Variants in FAM227A observed in about 807,000 individuals in gnomAD.
FAM227A encodes the protein family with sequence similarity 227 member A, also known as protein FAM227A.
A neutral mutation model predicts 74.7 loss-of-function variants in FAM227A; 80 were observed. The ratio of observed to expected loss-of-function variants is 1.07; its 90% CI spans 0.89 to 1.29. The LOEUF is 1.29. Ranked by LOEUF, FAM227A falls within the 50% of genes most tolerant of loss-of-function variation. The pLI, the probability that FAM227A is intolerant of heterozygous loss-of-function variation, is 0.00. For synonymous variants in FAM227A, 237 were observed against 241.8 expected (o/e 0.98, Z 0.19); for missense variants, 654 against 683.4 (o/e 0.96, Z 0.48).
At chr22:38,595,534 G>A (rs1405670202) in intron 15 of FAM227A, among the ~76,000 whole-genome samples, 1 of 152,210 alleles carries the variant, frequency 6.6e-6, no homozygotes, top group African/African-American at 2.4e-5. Context: ...TAGTTAATCA[G>A]GCAAAGACCA....
Position 38,584,214 on chromosome 22 carries a change from A to T in FAM227A, c.*1911T>A, listed in dbSNP as rs2090759883. The T allele has an allele frequency of 6.6e-6, 1 of 152,164 alleles. No homozygotes were observed. Among genetic ancestry groups the T allele is most frequent in the Non-Finnish European group, 1.5e-5 (1 of 68,072 alleles). 9.4% of individuals were successfully genotyped at this position (152,164 alleles called of 1,614,324 possible). A position where few individuals can be genotyped will look rare whatever the true frequency, so the allele number is the denominator to read the frequency against. Reference sequence around the variant, plus strand: ...GATTGTGAGCCCCATAAGGTCAGGGACTGTGTCTTTATTTATCTCTGTATT... The same window carrying T: ...GATTGTGAGCCCCATAAGGTCAGGGTCTGTGTCTTTATTTATCTCTGTATT... On this transcript the variant is annotated 3_prime_UTR_variant, in exon 17 of 17. Coordinates refer to ENST00000535113, the MANE Select transcript of FAM227A (RefSeq NM_001013647.2).
intron 13 of FAM227A, among the ~76,000 whole-genome samples, chr22:38,600,519 G>C (rs2146212409): frequency 6.6e-6 from 1 of 151,472 alleles, no homozygotes; most frequent in South Asian, 2.1e-4. Context: ...TGTATTTTTA[G>C]TAGAGACAGG....
intron 14 of FAM227A, among the ~76,000 whole-genome samples, chr22:38,599,311 A>G (rs76923282): frequency 6.6e-6 from 1 of 152,266 alleles, no homozygotes; most frequent in African/African-American, 2.4e-5. Context: ...TCTTTAGGAT[A>G]AATGGCAACA....
chr22:38,641,917 C>G (rs182488448), intron 3 of FAM227A, among the ~76,000 whole-genome samples: 28 of 151,982 alleles, frequency 1.8e-4, no homozygotes, highest in Admixed American at 1.6e-3. Context: ...CAGCTACTTG[C>G]TTAACATTTA....
chr22:38,653,883 G>T (rs557132371), intron 1 of FAM227A: 1 of 152,204 alleles, frequency 6.6e-6, no homozygotes, highest in Non-Finnish European at 1.5e-5. Flanking sequence ...CCCTCAAGGG[G>T]CTTACATCTA....
chr22:38,613,266 CATAT>C (rs372543349), intron 11 of FAM227A, among the ~76,000 whole-genome samples: 3 of 69,368 alleles, frequency 4.3e-5, no homozygotes, highest in African/African-American at 6.5e-5. Flanking sequence ...TATATTATAA[CATAT>C]ATTATATATC....
chr22:38,635,860 C>T (rs1424919468), intron 6 of FAM227A, among the ~76,000 whole-genome samples: 2 of 151,826 alleles, frequency 1.3e-5, no homozygotes, highest in African/African-American at 4.8e-5. Flanking sequence ...TAAAAACTAG[C>T]CAGTGTGGTG....
rs1231198960 is a variant in FAM227A, at chr22:38,626,277, G to A, written c.753C>T (p.Ala251=). Residue 251 remains alanine, a synonymous_variant, in exon 9 of 17, where the codon GCC becomes GCT. Coordinates refer to ENST00000535113, the MANE Select transcript of FAM227A (RefSeq NM_001013647.2). ...AGCAGCAACAGAAGCTGGTGTACAC[G>A]GCTTTGCTGAGAAGTGATGGCAGCC... ...LKRLPSLLSK[A]VYTSFCCCFP... The A allele has an allele frequency of 3.9e-6, 6 of 1,551,428 alleles. No individual in the cohort carries two copies. Among genetic ancestry groups the A allele is most frequent in the East Asian group, 2.4e-5 (1 of 40,916 alleles).
At chr22:38,606,192 A>C (rs981443812) in intron 12 of FAM227A, among the ~76,000 whole-genome samples, 3 of 152,012 alleles carry the variant, frequency 2.0e-5, no homozygotes, top group Admixed American at 6.6e-5. Flanking sequence ...TTTTTGAGAC[A>C]GGGTCTCACT....
intron 2 of FAM227A, among the ~76,000 whole-genome samples, chr22:38,648,502 G>C (rs2092276090): frequency 6.6e-6 from 1 of 151,378 alleles, no homozygotes; most frequent in African/African-American, 2.4e-5. Flanking sequence ...AGCTACCTGG[G>C]AGGCTGAGGC....
chr22:38,613,116 T>TATATAATTATATATA lies in FAM227A; in HGVS notation c.1039-5641_1039-5640insTATATATAATTATAT, dbSNP rs1555959758. ...TATATTATATATAATTATATATATA[T>TATATAATTATATATA]TATATATAATTATATATATAATATA... On this transcript the variant is annotated intron_variant, in intron 11 of 16. Coordinates refer to ENST00000535113, the MANE Select transcript of FAM227A (RefSeq NM_001013647.2). Among the ~76,000 whole-genome samples the TATATAATTATATATA allele has an allele frequency of 2.1e-3, 195 of 91,096 alleles. 1 individual carries two copies. Among genetic ancestry groups the TATATAATTATATATA allele is most frequent in the African/African-American group, 8.9e-3 (186 of 20,996 alleles). The allele number at this position is 91,096 out of a possible 152,430, so 59.8% of individuals were successfully genotyped here. A position where few individuals can be genotyped will look rare whatever the true frequency, so the allele number is the denominator to read the frequency against.
Position 38,582,450 on chromosome 22 carries a change from C to CA in FAM227A, c.*3674_*3675insT. The CA allele has an allele frequency of 6.5e-7, 1 of 1,540,426 alleles. No individual in the cohort carries two copies. The highest frequency in any genetic ancestry group is 2.4e-5 in the East Asian group (1 of 40,874). On this transcript the variant is annotated 3_prime_UTR_variant, in exon 17 of 17. Coordinates refer to ENST00000535113, the MANE Select transcript of FAM227A (RefSeq NM_001013647.2). Reference sequence around the variant, plus strand: ...TCATACAATTACTCATTTGCTTTATCCCACATTACAGCAAATGCTTTTTAA... The same window carrying CA: ...TCATACAATTACTCATTTGCTTTATCACCACATTACAGCAAATGCTTTTTAA...
intron 8 of FAM227A, 45 bp from the exon 9 acceptor site, chr22:38,626,348 C>T (rs2091799948): frequency 1.3e-6 from 2 of 1,528,714 alleles, no homozygotes; most frequent in Middle Eastern, 1.7e-4. Context: ...ACATTTCCAC[C>T]CGGCTTACAT....
chr22:38,633,595 G>A (rs1345903220), intron 6 of FAM227A, among the ~76,000 whole-genome samples: 1 of 152,188 alleles, frequency 6.6e-6, no homozygotes, highest in Non-Finnish European at 1.5e-5. Flanking sequence ...AGACTGGAGT[G>A]CAGTAGTGCC....
chr22:38,628,010 G>A (rs943456206), intron 8 of FAM227A, among the ~76,000 whole-genome samples: 8 of 151,968 alleles, frequency 5.3e-5, no homozygotes, highest in African/African-American at 1.7e-4. Flanking sequence ...ATATCATATA[G>A]AGTTGTACAA....
intron 15 of FAM227A, among the ~76,000 whole-genome samples, chr22:38,595,293 A>C (rs1158951790): frequency 2.0e-5 from 3 of 152,162 alleles, no homozygotes; most frequent in Non-Finnish European, 4.4e-5. Flanking sequence ...AGTTCTATGG[A>C]AGGTCCAGTC....
chr22:38,594,799 A>G (rs972513657), intron 15 of FAM227A, among the ~76,000 whole-genome samples: 2 of 152,072 alleles, frequency 1.3e-5, no homozygotes, highest in African/African-American at 4.8e-5. Context: ...AGTCTCTACT[A>G]AAAATGCAAA....
At chr22:38,603,159 C>A (rs545290807) in intron 13 of FAM227A, among the ~76,000 whole-genome samples, 1 of 152,258 alleles carries the variant, frequency 6.6e-6, no homozygotes, top group African/African-American at 2.4e-5. Context: ...CAGGTGTGAG[C>A]CACCATACCC....
chr22:38,606,352 A>G (rs2091283421), intron 12 of FAM227A, among the ~76,000 whole-genome samples: 1 of 152,068 alleles, frequency 6.6e-6, no homozygotes, highest in African/African-American at 2.4e-5. Context: ...TTTTTTTTGT[A>G]AAGACAGGGT....
Sources: gnomAD v4.1 joint callset for allele counts (sites outside exome capture counted in the v4.1 genomes callset) on GRCh38, gnomAD v4.1.1 for gene constraint, MANE v1.5 for transcripts, NCBI Gene and HGNC (gene_info 2026-07-23, HGNC 2026-07-21) for gene names.